The following ABCD4 variants were observed in gnomAD, a reference collection of about 807,000 sequenced individuals.
The protein encoded by ABCD4 is lysosomal cobalamin transporter ABCD4.
ABCD4 carries 53 observed loss-of-function variants against 86.3 expected under a neutral mutation model. The observed-to-expected ratio is 0.61, with a 90% CI of 0.49 to 0.77. The LOEUF (loss-of-function observed/expected upper bound fraction) is 0.77. ABCD4 is among the 30% of genes least tolerant of loss of function. The pLI is 0.00. For synonymous variants in ABCD4, 328 were observed against 313.6 expected, an observed-to-expected ratio of 1.05 and a Z score of -0.49; for missense variants, 757 against 764.5, an observed-to-expected ratio of 0.99 and a Z score of 0.12.
Position 74,285,438 on chromosome 14 carries a change from T to C in ABCD4, c.*1023A>G, listed in dbSNP as rs2079566947. The C allele has an allele frequency of 6.6e-6, 1 of 152,216 alleles. No individual in the cohort carries two copies. The highest frequency in any genetic ancestry group is 1.5e-5 in the Non-Finnish European group (1 of 68,052). 9.4% of individuals were successfully genotyped at this position (152,216 alleles called of 1,614,324 possible). On this transcript the variant is annotated 3_prime_UTR_variant, in exon 19 of 19. Transcript: ENST00000356924. The stretch of plus-strand genomic sequence containing the variant: ...ATAACACCGATGGTTTTTCTTGTAT[T>C]TATTTTTAGTTACTTTCCATCTATG...
chr14:74,293,075 C>A, intron 8 of ABCD4, 79 bp downstream of exon 8: 1 of 1,500,422 alleles, frequency 6.7e-7, no homozygotes, highest in Non-Finnish European at 9.2e-7. Flanking sequence ...TCCTTGCAGA[C>A]AGGAGGTAGA....
At chr14:74,290,847 A>G (rs937857849) in intron 11 of ABCD4, among the ~76,000 whole-genome samples, 1 of 151,626 alleles carries the variant, frequency 6.6e-6, no homozygotes, top group African/African-American at 2.4e-5. Flanking sequence ...CCGTGCCCAT[A>G]TTTTTAGTAG....
chr14:74,290,827 G>T (rs570211598), intron 11 of ABCD4, among the ~76,000 whole-genome samples: 1 of 151,894 alleles, frequency 6.6e-6, no homozygotes, highest in South Asian at 2.1e-4. Context: ...TGGATTACAG[G>T]TGCCCACCAC....
At chr14:74,293,125 T>C (rs1460067176) in intron 8 of ABCD4, 29 bp downstream of exon 8, 3 of 1,605,644 alleles carry the variant, frequency 1.9e-6, no homozygotes, top group Non-Finnish European at 2.6e-6. Context: ...AACCCCATGG[T>C]TCCCACTTCC....
chr14:74,296,595 G>C lies in ABCD4; in HGVS notation c.426-146C>G, dbSNP rs950680985. 4.3e-6 allele frequency: 3 copies of C among 695,368 alleles called. No homozygotes were observed. In the Admixed American group the frequency reaches 8.0e-5, roughly 19 times the overall value. The allele number at this position is 695,368 out of a possible 1,614,324, so 43.1% of individuals were successfully genotyped here. A position where few individuals can be genotyped will look rare whatever the true frequency, so the allele number is the denominator to read the frequency against. On this transcript the variant is annotated intron_variant, in intron 4 of 18. Coordinates refer to ENST00000356924, the MANE Select transcript of ABCD4 (RefSeq NM_005050.4). Reference sequence around the variant, plus strand: ...CTATGGGAAGAGGGAACCAGACAAGGCTGGTTTCCTAGGGGCAACTAAATC... The same window carrying C: ...CTATGGGAAGAGGGAACCAGACAAGCCTGGTTTCCTAGGGGCAACTAAATC...
At chr14:74,300,062 TCAAAAAAAA>T in intron 2 of ABCD4, 79 bp downstream of exon 2, 1 of 578,068 alleles carries the variant, frequency 1.7e-6, no homozygotes, top group Non-Finnish European at 2.7e-6. Context: ...AAACTCTGTC[TCAAAAAAAA>T]AAAAAAAAAA....
chr14:74,290,227 C>T (rs2081099588), intron 12 of ABCD4, 64 bp downstream of exon 12: 1 of 1,611,724 alleles, frequency 6.2e-7, no homozygotes, highest in East Asian at 2.2e-5. Context: ...ACCACACCGT[C>T]CCCGCCTTCA....
chr14:74,290,159 A>C (rs1183727120), intron 12 of ABCD4, 41 bp from the exon 13 acceptor site: 3 of 1,612,794 alleles, frequency 1.9e-6, no homozygotes, highest in Non-Finnish European at 2.5e-6. Flanking sequence ...GATCTCCCAG[A>C]AGAGGCAACT....
Position 74,296,446 on chromosome 14 carries a change from G to T in ABCD4, c.429C>A (p.Asp143Glu). ...NVLRDDIDNP[D>E]QRISQDVERF... ...GCTCCACGTCCTGGCTGATGCGCTG[G>T]TCCCTGGAGCCAATGACACAGAGTA... The change falls in exon 5 of 19, where the codon GAC (aspartate) becomes GAA (glutamate). Residue 143 changes from aspartate to glutamate, a missense_variant. Physicochemically the swap from Asp to Glu is conservative, Grantham distance 45. Coordinates refer to ENST00000356924, the MANE Select transcript of ABCD4 (RefSeq NM_005050.4). 6.2e-7 allele frequency: 1 copy of T among 1,613,996 alleles called. No individual in the cohort carries two copies. The highest frequency in any genetic ancestry group is 8.5e-7 in the Non-Finnish European group (1 of 1,180,014).
At chr14:74,289,773 T>C in intron 13 of ABCD4, 1 of 1,435,322 alleles carries the variant, frequency 7.0e-7, no homozygotes. Context: ...CCTTGGGTGT[T>C]TGACATACGC....
chr14:74,302,814 G>A lies in ABCD4; in HGVS notation c.38+61C>T, dbSNP rs554120643. 29 of 1,526,046 alleles carry A rather than the reference G, an allele frequency of 1.9e-5. No homozygotes were observed. In the African/African-American group the frequency reaches 3.9e-4, roughly 21 times the overall value. The allele number at this position is 1,526,046 out of a possible 1,614,324, so 94.5% of individuals were successfully genotyped here. On this transcript the variant is annotated intron_variant, in intron 1 of 18. Transcript: ENST00000356924. ...CGGACGAGGCACGGAGGGCAGGAAA[G>A]CCCATTCCCTACAGCCCGGAACTCC... is the stretch of plus-strand genomic sequence containing the variant.
chr14:74,292,136 C>T (rs1414680695), intron 11 of ABCD4, 151 bp downstream of exon 11: 9 of 742,902 alleles, frequency 1.2e-5, no homozygotes, highest in Admixed American at 8.9e-5. Flanking sequence ...GCAACATCGA[C>T]TGTGAACTTA....
At position 74,296,640 on chromosome 14, in the gene ABCD4, T is replaced by A. The variant is rs1272071446; in HGVS notation, c.426-191A>T. The A allele has an allele frequency of 7.0e-6, 4 of 575,462 alleles. No homozygotes were observed. The African/African-American group carries it at 7.5e-5, about 11-fold the overall frequency. 35.6% of individuals were successfully genotyped at this position (575,462 alleles called of 1,614,324 possible). On this transcript the variant is annotated intron_variant, in intron 4 of 18. Coordinates refer to ENST00000356924, the MANE Select transcript of ABCD4 (RefSeq NM_005050.4). ...TAAATCCCAGGGCCTTTAAACAGGG[T>A]TCTAGAGAGTTGCATCTTACGGTGC... is the stretch of plus-strand genomic sequence containing the variant.
chr14:74,289,326 C>T, intron 14 of ABCD4, 157 bp downstream of exon 14: 5 of 1,441,584 alleles, frequency 3.5e-6, no homozygotes, highest in South Asian at 3.1e-5. Context: ...GGGTACAGAC[C>T]CCAAAACAGT....
At chr14:74,293,993 A>G (rs1169902369) in intron 7 of ABCD4, 1 of 152,194 alleles carries the variant, frequency 6.6e-6, no homozygotes, top group African/African-American at 2.4e-5. Flanking sequence ...GAAACTCTAC[A>G]AACTAACCTG....
intron 14 of ABCD4, chr14:74,288,974 A>AGT (rs1566927601): frequency 1.1e-6 from 1 of 904,582 alleles, no homozygotes; most frequent in African/African-American, 1.7e-5. Context: ...TAGGCAGGCA[A>AGT]GGTGGCGTGC....
rs1376650392 is a variant in ABCD4, at chr14:74,298,000, G to A, written c.355C>T (p.Leu119Phe). The change falls in exon 4 of 19, where the codon CTT (leucine) becomes TTT (phenylalanine). Residue 119 changes from leucine to phenylalanine, a missense_variant. Coordinates refer to ENST00000356924, the MANE Select transcript of ABCD4 (RefSeq NM_005050.4). ...CGGCCCCGGAAGTAGAGGCGGTGAA[G>A]GTGCTCAGTGAGGTCCTTCCTCCAG... is the stretch of plus-strand genomic sequence containing the variant. ...VSWRKDLTEH[L>F]HRLYFRGRAY... 1.2e-6 allele frequency: 2 copies of A among 1,614,022 alleles called. No individual in the cohort carries two copies. Among genetic ancestry groups the A allele is most frequent in the Admixed American group, 3.3e-5 (2 of 59,966 alleles).
At position 74,292,184 on chromosome 14, in the gene ABCD4, A is replaced by G; in HGVS notation, c.1118+103T>C. The stretch of plus-strand genomic sequence containing the variant: ...ATTCCATTTCCATTTACTCCTTACA[A>G]CTCTGCTGCCCAGCTGGGAAAGGGC... On this transcript the variant is annotated intron_variant, in intron 11 of 18. Transcript: ENST00000356924. The G allele has an allele frequency of 6.5e-6, 7 of 1,077,376 alleles. No individual in the cohort carries two copies. The South Asian group carries it at 9.0e-5, about 14-fold the overall frequency. 66.7% of individuals were successfully genotyped at this position (1,077,376 alleles called of 1,614,324 possible).
chr14:74,296,550 C>T, intron 4 of ABCD4, 101 bp from the exon 5 acceptor site: 1 of 1,094,568 alleles, frequency 9.1e-7, no homozygotes, highest in Non-Finnish European at 1.4e-6. Flanking sequence ...CCTTGCCTCA[C>T]AGTGCTGTGA....
Sources: allele counts gnomAD v4.1 joint callset (sites outside exome capture counted in the v4.1 genomes callset), GRCh38; gene constraint gnomAD v4.1.1; transcripts MANE v1.5; gene names NCBI Gene and HGNC (gene_info 2026-07-23, HGNC 2026-07-21).